AJAP1: variants seen among roughly 807,000 people sequenced by gnomAD.
AJAP1 encodes the protein adherens junction-associated protein 1.
Under a neutral mutation model 35.0 loss-of-function variants are expected in AJAP1, and 5 were observed. The observed-to-expected ratio is 0.14, with a 90% confidence interval of 0.07 to 0.30. The LOEUF is 0.30. Among genes scored for constraint, AJAP1 ranks in the 10% least tolerant of loss-of-function variants. The pLI, the probability that AJAP1 is intolerant of heterozygous loss-of-function variation, is 1.00. For synonymous variants in AJAP1, 284 were observed against 249.3 expected, an observed-to-expected ratio of 1.14 and a Z score of -1.31; for missense variants, 586 against 571.0, an observed-to-expected ratio of 1.03 and a Z score of -0.27.
At position 4,791,239 on chromosome 1, in the gene AJAP1, G is replaced by A. The variant is rs1642244467; in HGVS notation, c.*8754G>A. ...CACATTTGCAGATCAGGAACCCCGG[G>A]AATATGAGTTAGACCCAGAAAGTAT... On this transcript the variant is annotated 3_prime_UTR_variant, in exon 6 of 6. Transcript: ENST00000378191. 6.6e-6 allele frequency: 1 copy of A among 152,212 alleles called. No individual in the cohort carries two copies. The highest frequency in any genetic ancestry group is 1.5e-5 in the Non-Finnish European group (1 of 68,044). 9.4% of individuals were successfully genotyped at this position (152,212 alleles called of 1,614,324 possible). A position where few individuals can be genotyped will look rare whatever the true frequency, so the allele number is the denominator to read the frequency against.
At chr1:4,712,853 G>A (rs1368738686) in intron 2 of AJAP1, among the ~76,000 whole-genome samples, 154 bp downstream of exon 2, 2 of 152,306 alleles carry the variant, frequency 1.3e-5, no homozygotes, top group East Asian at 3.9e-4. Context: ...CATGCCTGTA[G>A]ACTGGCAAAT....
intron 1 of AJAP1, among the ~76,000 whole-genome samples, chr1:4,668,053 A>T (rs767167570): frequency 6.6e-5 from 10 of 152,280 alleles, no homozygotes; most frequent in Non-Finnish European, 1.5e-4. Flanking sequence ...CATCTCTACT[A>T]AAAATACAAA....
intron 2 of AJAP1, among the ~76,000 whole-genome samples, chr1:4,746,139 C>G (rs958155818): frequency 1.3e-5 from 2 of 152,182 alleles, no homozygotes; most frequent in Admixed American, 6.5e-5. Flanking sequence ...TGGGGAGGAG[C>G]CTTCCTCGCT....
chr1:4,657,635 C>T (rs1313565782), intron 1 of AJAP1, among the ~76,000 whole-genome samples: 1 of 150,806 alleles, frequency 6.6e-6, no homozygotes, highest in Admixed American at 6.7e-5. Flanking sequence ...GACAGGTAGA[C>T]ACTGAGCCTC....
intron 2 of AJAP1, among the ~76,000 whole-genome samples, chr1:4,751,112 G>A (rs763492491): frequency 6.6e-6 from 1 of 152,008 alleles, no homozygotes; most frequent in Non-Finnish European, 1.5e-5. Context: ...CGCTCCCCTG[G>A]CTGCCTTGGG....
rs75686547 is a variant in AJAP1, at chr1:4,665,934, A to G, written c.29+10480A>G. ...TAGCAGCGTTTGACTCCCTTCTCAG[A>G]GGATGAGAGGAAGGAAGCCCATTGG... On this transcript the variant is annotated intron_variant, in intron 1 of 5. Transcript: ENST00000378191. Among the ~76,000 whole-genome samples the G allele has an allele frequency of 6.6e-3, 1,002 of 152,324 alleles. 36 individuals are homozygous for G. The highest frequency in any genetic ancestry group is 0.044 in the Admixed American group (672 of 15,306).
intron 2 of AJAP1, among the ~76,000 whole-genome samples, chr1:4,753,094 C>A (rs1296335531): frequency 1.3e-5 from 2 of 152,154 alleles, no homozygotes; most frequent in Non-Finnish European, 2.9e-5. Context: ...TCTTTTACGG[C>A]GTTTTATATC....
In AJAP1 at chr1:4,774,905, A is replaced by G. The variant is rs534207166; in HGVS notation, c.*59+347A>G. On this transcript the variant is annotated intron_variant, in intron 5 of 5. Transcript: ENST00000378191. Reference sequence around the variant, plus strand: ...AAGTCATTCCCTAAAACAAGCGACAATTACAGCTCTCATTTCCCACAACAG... The same window carrying G: ...AAGTCATTCCCTAAAACAAGCGACAGTTACAGCTCTCATTTCCCACAACAG... 2.6e-4 allele frequency among the ~76,000 whole-genome samples: 39 copies of G among 152,276 alleles called. No homozygotes were observed. In the South Asian group the frequency reaches 6.0e-3, roughly 23 times the overall value.
At chr1:4,740,798 A>T (rs1490501770) in intron 2 of AJAP1, among the ~76,000 whole-genome samples, 2 of 148,956 alleles carry the variant, frequency 1.3e-5, no homozygotes, top group Non-Finnish European at 3.0e-5. Context: ...AAAAAAAAAA[A>T]AAAAAAAGCG....
At chr1:4,659,418 C>A (rs1638954183) in intron 1 of AJAP1, among the ~76,000 whole-genome samples, 1 of 152,164 alleles carries the variant, frequency 6.6e-6, no homozygotes, top group African/African-American at 2.4e-5. Flanking sequence ...GTACAGTCGA[C>A]TCCATTCTTT....
rs536952322 is a variant in AJAP1 at position 4,675,929 on chromosome 1, C to A, written c.29+20475C>A. Among the ~76,000 whole-genome samples, 8 of 152,334 alleles carry A rather than the reference C, an allele frequency of 5.3e-5. No homozygotes were observed. The East Asian group carries it at 1.4e-3, about 26-fold the overall frequency. On this transcript the variant is annotated intron_variant, in intron 1 of 5. Coordinates refer to ENST00000378191, the MANE Select transcript of AJAP1 (RefSeq NM_018836.4). ...CATTCTGGAGGGTACGGTGGAGTTG[C>A]TGCAGAGAAGCTGCGTGGAGTCTGC...
At chr1:4,743,524 G>A (rs976987950) in intron 2 of AJAP1, among the ~76,000 whole-genome samples, 22 of 152,148 alleles carry the variant, frequency 1.4e-4, no homozygotes, top group Admixed American at 2.6e-4. Context: ...GTGTTAATGC[G>A]TATGTGTCCG....
At chr1:4,697,717 G>A (rs1370803530) in intron 1 of AJAP1, among the ~76,000 whole-genome samples, 1 of 152,222 alleles carries the variant, frequency 6.6e-6, no homozygotes, top group East Asian at 1.9e-4. Flanking sequence ...TAGCGTGTCT[G>A]TCCCTGAGGG....
At position 4,790,957 on chromosome 1, in the gene AJAP1, G is replaced by GTTTTC. The variant is rs1423832121; in HGVS notation, c.*8475_*8476insTCTTT. 6.2e-5 allele frequency: 7 copies of GTTTTC among 113,166 alleles called. No homozygotes were observed. Among genetic ancestry groups the GTTTTC allele is most frequent in the Non-Finnish European group, 1.3e-4 (7 of 54,016 alleles). 7.0% of individuals were successfully genotyped at this position (113,166 alleles called of 1,614,324 possible). ...TTGTTTTTGTTTTTGTTTTTGTTTTGTTTAATTTCCTCTTCTGGCATCCCA... is the reference window on the plus strand; with the variant it reads ...TTGTTTTTGTTTTTGTTTTTGTTTTGTTTTCTTTAATTTCCTCTTCTGGCATCCCA... On this transcript the variant is annotated 3_prime_UTR_variant, in exon 6 of 6. Coordinates refer to ENST00000378191, the MANE Select transcript of AJAP1 (RefSeq NM_018836.4).
chr1:4,736,860 T>C lies in AJAP1; in HGVS notation c.829+24161T>C, dbSNP rs1190397814. Among the ~76,000 whole-genome samples, 3 of 152,094 alleles carry C rather than the reference T, an allele frequency of 2.0e-5. No homozygotes were observed. The East Asian group carries it at 5.8e-4, about 29-fold the overall frequency. On this transcript the variant is annotated intron_variant, in intron 2 of 5. Coordinates refer to ENST00000378191, the MANE Select transcript of AJAP1 (RefSeq NM_018836.4). ...GGGTGGGCTGGTTGGAAAGAGGGCT[T>C]CTACATGGACCTGCAGCCCTAGGAC...
At chr1:4,756,899 C>T (rs1641444396) in intron 2 of AJAP1, among the ~76,000 whole-genome samples, 3 of 152,094 alleles carry the variant, frequency 2.0e-5, no homozygotes, top group South Asian at 4.1e-4. Context: ...GCAGTGCCCC[C>T]TCCAAGTGTG....
At chr1:4,704,059 A>G (rs1640046906) in intron 1 of AJAP1, among the ~76,000 whole-genome samples, 1 of 152,080 alleles carries the variant, frequency 6.6e-6, no homozygotes, top group Non-Finnish European at 1.5e-5. Flanking sequence ...CAAAGGAAAA[A>G]TAGTGCCCTG....
intron 2 of AJAP1, among the ~76,000 whole-genome samples, chr1:4,713,714 T>G (rs1288593341): frequency 6.6e-6 from 1 of 152,280 alleles, no homozygotes; most frequent in Non-Finnish European, 1.5e-5. Context: ...AACCTAGATC[T>G]GTGCATACAC....
chr1:4,662,799 T>C (rs1270548978), intron 1 of AJAP1, among the ~76,000 whole-genome samples: 4 of 152,208 alleles, frequency 2.6e-5, no homozygotes, highest in Non-Finnish European at 5.9e-5. Context: ...ATTTATTGAG[T>C]GTCGAGTGCA....
Sources: allele counts gnomAD v4.1 joint callset (sites outside exome capture counted in the v4.1 genomes callset), GRCh38; gene constraint gnomAD v4.1.1; transcripts MANE v1.5; gene names NCBI Gene and HGNC (gene_info 2026-07-23, HGNC 2026-07-21).